Variants in ENPP2 observed in about 807,000 individuals in gnomAD.
The protein encoded by ENPP2 is ectonucleotide pyrophosphatase/phosphodiesterase 2.
In ENPP2, 51 loss-of-function variants were observed where a neutral mutation model predicts 120.2. That is an observed-to-expected ratio of 0.42 (90% CI 0.34 to 0.54). ENPP2 has a LOEUF of 0.54. ENPP2 is among the 20% of genes least tolerant of loss of function. The pLI, the probability that ENPP2 is intolerant of heterozygous loss-of-function variation, is 0.04. For missense variants in ENPP2, 920 were observed against 1,066.5 expected, an observed-to-expected ratio of 0.86 and a Z score of 1.91; for synonymous variants, 365 against 366.4, an observed-to-expected ratio of 1.00 and a Z score of 0.04.
rs186065329 is a variant in ENPP2 at position 119,567,189 on chromosome 8, A to G, written c.2131+986T>C. ...ACGATTTAAGTTCTGTTCACTACAAATGTACTGAAAGGTGGTAAAAGCTAC... is the reference window on the plus strand; with the variant it reads ...ACGATTTAAGTTCTGTTCACTACAAGTGTACTGAAAGGTGGTAAAAGCTAC... On this transcript the variant is annotated intron_variant, in intron 22 of 24. Transcript: ENST00000075322. Among the ~76,000 whole-genome samples the G allele has an allele frequency of 2.3e-4, 35 of 152,278 alleles. 1 individual carries two copies. The highest frequency in any genetic ancestry group is 8.2e-4 in the African/African-American group (34 of 41,570).
At chr8:119,629,355 T>G (rs1185814045) in intron 2 of ENPP2, among the ~76,000 whole-genome samples, 1 of 152,338 alleles carries the variant, frequency 6.6e-6, no homozygotes. Context: ...ATTTACATGC[T>G]TATGAATTTT....
Position 119,570,793 on chromosome 8 carries a change from T to C in ENPP2, c.1829A>G (p.Tyr610Cys). 1 of 1,585,752 alleles carries C rather than the reference T, an allele frequency of 6.3e-7. No homozygotes were observed. The highest frequency in any genetic ancestry group is 8.6e-7 in the Non-Finnish European group (1 of 1,165,626). Residue 610 changes from tyrosine (Y) to cysteine (C), a missense_variant, in exon 20 of 25, where the codon TAT becomes TGT. Transcript: ENST00000075322. The part of the protein sequence containing the change: ...GRPAVLYRTR[Y>C]DILYHTDFES... ...AAAGTCAGTGTGATATAAGATATCA[T>C]ATCTAGTCCGATAAAGCACTGCAGG... is the stretch of plus-strand genomic sequence containing the variant.
rs35097142 is a variant in ENPP2 at position 119,649,417 on chromosome 8, A to AG, written c.22-10891_22-10890insC. On this transcript the variant is annotated intron_variant, in intron 1 of 25. Transcript: ENST00000427067. ...ACTCCATCTCAAAAAAAAAAAAAAG[A>AG]AAAGAAAAGAAAAGAAAATTGCATT... Among the ~76,000 whole-genome samples, 1,377 of 151,372 alleles carry AG rather than the reference A, an allele frequency of 9.1e-3. 22 individuals are homozygous for AG. The highest frequency in any genetic ancestry group is 0.032 in the African/African-American group (1,305 of 41,216).
At chr8:119,644,989 G>A (rs1186296228) in intron 1 of ENPP2, among the ~76,000 whole-genome samples, 2 of 151,982 alleles carry the variant, frequency 1.3e-5, no homozygotes, top group African/African-American at 4.8e-5. Context: ...GAACACAAAT[G>A]AGTGACAGGA....
At chr8:119,593,964 G>T in intron 11 of ENPP2, 104 bp from the exon 12 acceptor site, 1 of 742,892 alleles carries the variant, frequency 1.3e-6, no homozygotes. Context: ...AAAACTTCCG[G>T]CCCAGAGGCA....
intron 1 of ENPP2, among the ~76,000 whole-genome samples, chr8:119,647,401 T>G (rs1416424846): frequency 6.6e-6 from 1 of 152,126 alleles, no homozygotes; most frequent in Non-Finnish European, 1.5e-5. Context: ...TGGAATATAA[T>G]AGGAACACAA....
upstream of ENPP2, among the ~76,000 whole-genome samples, chr8:119,643,040 G>A (rs1352659690): frequency 2.0e-5 from 3 of 152,132 alleles, no homozygotes; most frequent in Admixed American, 6.6e-5. Flanking sequence ...GATTATGTAT[G>A]ATGTTAGATA....
chr8:119,627,204 A>G (rs942459695), intron 2 of ENPP2, among the ~76,000 whole-genome samples: 6 of 152,190 alleles, frequency 3.9e-5, no homozygotes, highest in Non-Finnish European at 8.8e-5. Context: ...AAATGTTCCA[A>G]GAACAGAACG....
intron 18 of ENPP2, among the ~76,000 whole-genome samples, chr8:119,581,373 G>A (rs1812723837): frequency 6.6e-6 from 1 of 151,950 alleles, no homozygotes; most frequent in Non-Finnish European, 1.5e-5. Context: ...CTGCTCTGTG[G>A]CCTGGGAGGC....
At chr8:119,563,729 T>C (rs1252906143) in intron 23 of ENPP2, among the ~76,000 whole-genome samples, 1 of 152,112 alleles carries the variant, frequency 6.6e-6, no homozygotes, top group African/African-American at 2.4e-5. Flanking sequence ...ACGATTTAAC[T>C]ACTAATTTAA....
chr8:119,605,428 A>ATGTGTGTG (rs557037737), intron 9 of ENPP2, among the ~76,000 whole-genome samples: 23,065 of 134,324 alleles, frequency 0.17, 2,128 homozygotes, highest in South Asian at 0.25. Context: ...AAGATACCAT[A>ATGTGTGTG]TATGTGTGTG....
chr8:119,643,128 A>G (rs1288470205), upstream of ENPP2, among the ~76,000 whole-genome samples: 1 of 152,190 alleles, frequency 6.6e-6, no homozygotes, highest in East Asian at 1.9e-4. Flanking sequence ...AGAAAACACC[A>G]TATATATTCT....
At chr8:119,624,141 C>A (rs1279113765) in intron 3 of ENPP2, among the ~76,000 whole-genome samples, 2 of 152,102 alleles carry the variant, frequency 1.3e-5, no homozygotes, top group Non-Finnish European at 2.9e-5. Flanking sequence ...ATCACATCTA[C>A]ATTACTTACA....
At chr8:119,630,280 G>C (rs557601247) in intron 2 of ENPP2, among the ~76,000 whole-genome samples, 3 of 152,086 alleles carry the variant, frequency 2.0e-5, no homozygotes, top group African/African-American at 4.8e-5. Context: ...AGCAATTTTC[G>C]TATTTTTAGT....
chr8:119,618,047 T>A, intron 5 of ENPP2: 1 of 254,460 alleles, frequency 3.9e-6, no homozygotes, highest in South Asian at 4.5e-5. Flanking sequence ...ACAAAAATAC[T>A]CTGTCAGTCA....
intron 3 of ENPP2, among the ~76,000 whole-genome samples, chr8:119,623,288 A>AC (rs2130753118): frequency 6.6e-6 from 1 of 152,022 alleles, no homozygotes; most frequent in African/African-American, 2.4e-5. Context: ...ACATGGTGAA[A>AC]CCCCGTCTCT....
intron 2 of ENPP2, among the ~76,000 whole-genome samples, chr8:119,627,327 A>G (rs570945633): frequency 1.4e-4 from 22 of 152,336 alleles, no homozygotes; most frequent in Non-Finnish European, 2.9e-4. Context: ...TTCACATGAT[A>G]TAGGTGTATA....
intron 8 of ENPP2, among the ~76,000 whole-genome samples, 186 bp downstream of exon 8, chr8:119,616,077 GAT>G (rs538169140): frequency 2.3e-4 from 35 of 151,252 alleles, no homozygotes; most frequent in African/African-American, 7.5e-4. Context: ...ACATATTTCA[GAT>G]ATATATATAA....
chr8:119,559,183 C>T (rs982385685), intron 24 of ENPP2, among the ~76,000 whole-genome samples: 3 of 152,156 alleles, frequency 2.0e-5, no homozygotes. Flanking sequence ...ACTGACCAGT[C>T]CTCAGTGTGA....
Sources: allele counts gnomAD v4.1 joint callset (sites outside exome capture counted in the v4.1 genomes callset), GRCh38; gene constraint gnomAD v4.1.1; transcripts MANE v1.5; gene names NCBI Gene and HGNC (gene_info 2026-07-23, HGNC 2026-07-21).